The following PCDHGA1 variants were observed in gnomAD, a reference collection of about 807,000 sequenced individuals.
The protein encoded by PCDHGA1 is protocadherin gamma subfamily A, 1.
Under a neutral mutation model 58.0 loss-of-function variants are expected in PCDHGA1, and 32 were observed. That is an observed-to-expected ratio of 0.55 (90% CI 0.42 to 0.74). PCDHGA1 has a LOEUF of 0.74. Among genes scored for constraint, PCDHGA1 ranks in the 30% least tolerant of loss-of-function variants. PCDHGA1 has a pLI of 0.00. For synonymous variants in PCDHGA1, 498 were observed against 501.1 expected (o/e 0.99, Z 0.08); for missense variants, 1,205 against 1,182.3 (o/e 1.02, Z -0.28).
chr5:141,343,506 C>T (rs925556999), intron 1 of PCDHGA1, among the ~76,000 whole-genome samples: 1 of 152,098 alleles, frequency 6.6e-6, no homozygotes, highest in African/African-American at 2.4e-5. Context: ...TTGTGTTGGT[C>T]CTTACGGCCA....
chr5:141,445,120 AT>A (rs1287463110), intron 1 of PCDHGA1, among the ~76,000 whole-genome samples: 1 of 152,228 alleles, frequency 6.6e-6, no homozygotes, highest in African/African-American at 2.4e-5. Flanking sequence ...TGTAAATAGT[AT>A]TTTTAAAATT....
At chr5:141,388,020 G>A (rs549084224) in intron 1 of PCDHGA1, 32 of 1,459,094 alleles carry the variant, frequency 2.2e-5, no homozygotes, top group African/African-American at 7.1e-5. Context: ...CAAGGGCTCC[G>A]TAGTGGGGAA....
intron 1 of PCDHGA1, chr5:141,384,644 C>G (rs757384812): frequency 6.2e-7 from 1 of 1,614,234 alleles, no homozygotes; most frequent in Non-Finnish European, 8.5e-7. Flanking sequence ...CCCCGCTCCG[C>G]AGAGCCCGGC....
chr5:141,486,909 C>A lies in PCDHGA1; in HGVS notation c.2422-7898C>A, dbSNP rs759702188. On this transcript the variant is annotated intron_variant, in intron 1 of 3. Coordinates refer to ENST00000517417, the MANE Select transcript of PCDHGA1 (RefSeq NM_018912.3). The surrounding 1 kb of genome is among the most constrained non-coding windows in gnomAD (Gnocchi z 5.0). ...CGGCCTGGTTCCTTATGTCCCCAAGCACTGCCTCCATCAGTTGGTGCTGGC... is the reference window on the plus strand; with the variant it reads ...CGGCCTGGTTCCTTATGTCCCCAAGAACTGCCTCCATCAGTTGGTGCTGGC... 3.1e-6 allele frequency: 5 copies of A among 1,614,262 alleles called. No individual in the cohort carries two copies. The East Asian group carries it at 1.1e-4, about 36-fold the overall frequency.
At chr5:141,365,431 G>T (rs1297210412) in intron 1 of PCDHGA1, 7 of 1,613,892 alleles carry the variant, frequency 4.3e-6, no homozygotes, top group African/African-American at 1.3e-5. Flanking sequence ...CTGTAATCGC[G>T]CTGTTTAGCG....
At chr5:141,500,991 C>T (rs2099804636) in intron 2 of PCDHGA1, among the ~76,000 whole-genome samples, 1 of 152,024 alleles carries the variant, frequency 6.6e-6, no homozygotes, top group South Asian at 2.1e-4. Flanking sequence ...GCCTCAGCCT[C>T]CTGAGTAGCT....
chr5:141,421,592 T>C (rs1590304832), intron 1 of PCDHGA1: 1 of 1,613,272 alleles, frequency 6.2e-7, no homozygotes, highest in Non-Finnish European at 8.5e-7. Context: ...GGAGTGGAGG[T>C]GGAAATAATA....
At position 141,485,430 on chromosome 5, in the gene PCDHGA1, T is replaced by C; in HGVS notation, c.2422-9377T>C. The C allele has an allele frequency of 6.2e-7, 1 of 1,614,138 alleles. No individual in the cohort carries two copies. Among genetic ancestry groups the C allele is most frequent in the Non-Finnish European group, 8.5e-7 (1 of 1,180,022 alleles). On this transcript the variant is annotated intron_variant, in intron 1 of 3. Transcript: ENST00000517417. The surrounding 1 kb of genome is among the most constrained non-coding windows in gnomAD (Gnocchi z 5.7). ...GATTTGGACAGCGGAGCCCTGCTCA[T>C]CAAGAACCCAATCGACCGAGAGGCA... is the stretch of plus-strand genomic sequence containing the variant.
At position 141,356,576 on chromosome 5, in the gene PCDHGA1, C is replaced by T. The variant is rs747539104; in HGVS notation, c.2421+23471C>T. ...ACTTTCCCTCATGCTTCCTACTCTGCTTACATTCCTGAAAACAACCCCAGA... is the reference window on the plus strand; with the variant it reads ...ACTTTCCCTCATGCTTCCTACTCTGTTTACATTCCTGAAAACAACCCCAGA... On this transcript the variant is annotated intron_variant, in intron 1 of 3. Coordinates refer to ENST00000517417, the MANE Select transcript of PCDHGA1 (RefSeq NM_018912.3). 12 of 1,614,050 alleles carry T rather than the reference C, an allele frequency of 7.4e-6. No individual in the cohort carries two copies. In the Admixed American group the frequency reaches 1.8e-4, roughly 25 times the overall value.
intron 1 of PCDHGA1, chr5:141,351,697 C>A (rs1257912635): frequency 6.2e-7 from 1 of 1,613,970 alleles, no homozygotes; most frequent in Non-Finnish European, 8.5e-7. Flanking sequence ...ATTTGGGACC[C>A]AACGGCAGAG....
At chr5:141,381,947 A>G (rs957045552) in intron 1 of PCDHGA1, among the ~76,000 whole-genome samples, 2 of 146,392 alleles carry the variant, frequency 1.4e-5, no homozygotes, top group Non-Finnish European at 3.0e-5. Flanking sequence ...TTCCTGCCTC[A>G]GCCTCCTGAG....
At position 141,387,719 on chromosome 5, in the gene PCDHGA1, C is replaced by T. The variant is rs953272587; in HGVS notation, c.2421+54614C>T. The T allele has an allele frequency of 4.5e-6, 5 of 1,115,502 alleles. No homozygotes were observed. In the African/African-American group the frequency reaches 4.7e-5, roughly 11 times the overall value. 69.1% of individuals were successfully genotyped at this position (1,115,502 alleles called of 1,614,324 possible). On this transcript the variant is annotated intron_variant, in intron 1 of 3. Transcript: ENST00000517417. The stretch of plus-strand genomic sequence containing the variant: ...TTCCAGGGCAGCCCCAGCTCAGACT[C>T]CCCAGCGCCAGCCTTTACACCGCTT...
intron 1 of PCDHGA1, among the ~76,000 whole-genome samples, chr5:141,359,622 A>G (rs1307246669): frequency 6.6e-6 from 1 of 152,032 alleles, no homozygotes; most frequent in East Asian, 1.9e-4. Context: ...GGTATGTTGT[A>G]TGCTTACATT....
chr5:141,403,127 C>G, intron 1 of PCDHGA1: 1 of 1,614,062 alleles, frequency 6.2e-7, no homozygotes, highest in Non-Finnish European at 8.5e-7. Context: ...GCCCCGGGAG[C>G]TGGCGGAGCG....
chr5:141,374,438 G>T (rs760020224), intron 1 of PCDHGA1: 3 of 1,613,736 alleles, frequency 1.9e-6, no homozygotes, highest in Non-Finnish European at 2.5e-6. Flanking sequence ...TCTTTATCCC[G>T]TGGAAGTGGA....
Position 141,360,662 on chromosome 5 carries a change from A to C in PCDHGA1, c.2421+27557A>C. 5 of 1,614,014 alleles carry C rather than the reference A, an allele frequency of 3.1e-6. No individual in the cohort carries two copies. The Middle Eastern group carries it at 6.6e-4, about 213-fold the overall frequency. On this transcript the variant is annotated intron_variant, in intron 1 of 3. Transcript: ENST00000517417. ...CAAAGATACCACCTTAATGACAACG[A>C]GTACTTTGATCTCGCTGAGAAACAG...
chr5:141,364,890 A>G (rs765566914), intron 1 of PCDHGA1: 2 of 1,613,858 alleles, frequency 1.2e-6, no homozygotes, highest in African/African-American at 2.7e-5. Flanking sequence ...AGCGGAACTG[A>G]TGGACAAAAG....
chr5:141,340,612 A>G lies in PCDHGA1; in HGVS notation c.2421+7507A>G, dbSNP rs772543977. 4.3e-6 allele frequency: 7 copies of G among 1,614,210 alleles called. No individual in the cohort carries two copies. In the Admixed American group the frequency reaches 5.0e-5, roughly 12 times the overall value. On this transcript the variant is annotated intron_variant, in intron 1 of 3. Coordinates refer to ENST00000517417, the MANE Select transcript of PCDHGA1 (RefSeq NM_018912.3). ...ACCCTCCACTCAGTAGCAATGTATC[A>G]TTAAGCCTGTTCGTGCTGGACCAGA...
intron 1 of PCDHGA1, among the ~76,000 whole-genome samples, chr5:141,473,757 T>C (rs993403397): frequency 6.6e-6 from 1 of 152,240 alleles, no homozygotes; most frequent in Non-Finnish European, 1.5e-5. Context: ...TTGGATACTA[T>C]GCAAAGGATT....
Sources: gnomAD v4.1 joint callset for allele counts (sites outside exome capture counted in the v4.1 genomes callset) on GRCh38, gnomAD v4.1.1 for gene constraint, Gnocchi (gnomAD v3.1) non-coding constraint, MANE v1.5 for transcripts, NCBI Gene and HGNC (gene_info 2026-07-23, HGNC 2026-07-21) for gene names.